FGF13: variants seen among roughly 807,000 people sequenced by gnomAD.
FGF13 encodes the protein fibroblast growth factor homologous factor 2.
A neutral mutation model predicts 19.5 loss-of-function variants in FGF13; 2 were observed. That is an observed-to-expected ratio of 0.10 (90% CI 0.04 to 0.32). The LOEUF (loss-of-function observed/expected upper bound fraction) is 0.32, where lower values mean the gene tolerates loss of function less well. Ranked by LOEUF, FGF13 falls within the 10% of genes least tolerant of loss-of-function variation. The pLI, the probability that FGF13 is intolerant of heterozygous loss-of-function variation, is 1.00. For synonymous variants in FGF13, 72 were observed against 76.9 expected (o/e 0.94, Z 0.33); for missense variants, 113 against 192.7 (o/e 0.59, Z 2.45).
At chrX:138,828,491 A>G in intron 3 of FGF13, among the ~76,000 whole-genome samples, 1 of 106,281 alleles carries the variant, frequency 9.4e-6, no homozygotes, top group South Asian at 4.3e-4. Flanking sequence ...AATGGCGTGA[A>G]CCCGGGAGGC....
chrX:138,853,265 CAAT>C (rs1253997222), downstream of FGF13, among the ~76,000 whole-genome samples: 1 of 111,806 alleles, frequency 8.9e-6, no homozygotes, highest in African/African-American at 3.2e-5. Flanking sequence ...AGGAAAACAA[CAAT>C]GTTGAAAAAA....
At chrX:138,750,106 C>T (rs746728632) in intron 3 of FGF13, among the ~76,000 whole-genome samples, 9 of 111,517 alleles carry the variant, frequency 8.1e-5, no homozygotes, top group Non-Finnish European at 1.3e-4. Context: ...AATCTACAGA[C>T]GTTGGTTATG....
downstream of FGF13, among the ~76,000 whole-genome samples, chrX:138,853,614 C>T (rs866173959): frequency 1.9e-4 from 15 of 79,649 alleles, no homozygotes; most frequent in East Asian, 4.1e-4. Context: ...TGTGTGTGTG[C>T]GTGTGCGTGT....
chrX:138,762,600 C>G (rs1317379094), intron 3 of FGF13, among the ~76,000 whole-genome samples: 1 of 111,480 alleles, frequency 9.0e-6, no homozygotes, highest in Non-Finnish European at 1.9e-5. Flanking sequence ...GAGTTAAGAT[C>G]TTGGTATTGA....
Position 138,749,239 on chromosome X carries a change from G to C in FGF13, c.218-40311C>G, listed in dbSNP as rs771624444. 2.8e-5 allele frequency among the ~76,000 whole-genome samples: 3 copies of C among 108,852 alleles called. No homozygotes were observed. In the Admixed American group the frequency reaches 3.0e-4, roughly 11 times the overall value. 94.5% of individuals were successfully genotyped at this position (108,852 alleles called of 115,157 possible). A position where few individuals can be genotyped will look rare whatever the true frequency, so the allele number is the denominator to read the frequency against. ...CGAAGGAAGAGCAGGAGGCAACTAG[G>C]TGAAGAGAGTAGCTGCTCTAGAGAA... is the stretch of plus-strand genomic sequence containing the variant. On this transcript the variant is annotated intron_variant, in intron 3 of 6. Coordinates refer to the FGF13 transcript ENST00000436198.
upstream of FGF13, chrX:139,204,273 T>C: frequency 2.2e-6 from 1 of 464,802 alleles, no homozygotes; most frequent in Admixed American, 3.3e-5. Flanking sequence ...CGCCGCTGCC[T>C]ACGAGAGAGT....
chrX:138,982,851 C>A (rs1233550987), intron 1 of FGF13, among the ~76,000 whole-genome samples: 2 of 112,082 alleles, frequency 1.8e-5, no homozygotes, highest in African/African-American at 3.2e-5. Flanking sequence ...ATTTGCCTTT[C>A]CCTGTTGATT....
At position 138,952,349 on chromosome X, in the gene FGF13, T is replaced by C. The variant is rs1485058170; in HGVS notation, c.-112-87699A>G. ...GGGAAATGATTCCCTATTTAATAAA[T>C]GGTGCTGGGAAAACTGGCTAGCATA... is the stretch of plus-strand genomic sequence containing the variant. On this transcript the variant is annotated intron_variant, in intron 1 of 2. Coordinates refer to the FGF13 transcript ENST00000421460. 2.7e-5 allele frequency among the ~76,000 whole-genome samples: 3 copies of C among 112,080 alleles called. No individual in the cohort carries two copies. The East Asian group carries it at 8.5e-4, about 32-fold the overall frequency.
intron 1 of FGF13, among the ~76,000 whole-genome samples, chrX:138,967,572 C>A (rs2091900071): frequency 9.1e-6 from 1 of 109,681 alleles, no homozygotes; most frequent in Non-Finnish European, 1.9e-5. Context: ...GGGAAAGAGG[C>A]CTAAAGAAGA....
At chrX:138,993,826 A>G (rs2206134) in intron 1 of FGF13, among the ~76,000 whole-genome samples, 1 of 110,202 alleles carries the variant, frequency 9.1e-6, no homozygotes, top group African/African-American at 3.3e-5. Flanking sequence ...CTGTGTTGTC[A>G]TAAAGATTAA....
rs942617536 is a variant in FGF13 at position 138,809,676 on chromosome X, T to C, written c.217+47836A>G. Among the ~76,000 whole-genome samples, 194 of 111,911 alleles carry C rather than the reference T, an allele frequency of 1.7e-3. 2 individuals carry two copies. The highest frequency in any genetic ancestry group is 2.9e-3 in the Non-Finnish European group (154 of 53,205). ...AAATTGTCCCCGTTTGCAGATGACA[T>C]GATTGTGTATTTAGAAAACCCCATC... On this transcript the variant is annotated intron_variant, in intron 3 of 6. Transcript: ENST00000436198.
chrX:138,647,732 T>C (rs1227539518), intron 3 of FGF13, among the ~76,000 whole-genome samples: 1 of 112,120 alleles, frequency 8.9e-6, no homozygotes, highest in African/African-American at 3.3e-5. Context: ...CAAATATTTG[T>C]TACCTAAGTA....
chrX:139,133,843 A>T (rs1435342927), intron 1 of FGF13, among the ~76,000 whole-genome samples: 1 of 111,529 alleles, frequency 9.0e-6, no homozygotes, highest in African/African-American at 3.3e-5. Context: ...GAACAGTTCA[A>T]CTCTGAAATC....
At chrX:138,866,469 C>T (rs1288279860) in intron 1 of FGF13, among the ~76,000 whole-genome samples, 1 of 112,286 alleles carries the variant, frequency 8.9e-6, no homozygotes, top group African/African-American at 3.2e-5. Context: ...TTTCTCCTCT[C>T]TTAAGAAGAA....
chrX:139,193,189 CACT>C (rs751618574), intron 1 of FGF13, among the ~76,000 whole-genome samples: 1 of 110,298 alleles, frequency 9.1e-6, no homozygotes, highest in African/African-American at 3.3e-5. Flanking sequence ...ATATGAAAAT[CACT>C]ACTATTTCAG....
At chrX:138,640,761 T>C (rs966052920) in intron 3 of FGF13, among the ~76,000 whole-genome samples, 1 of 112,023 alleles carries the variant, frequency 8.9e-6, no homozygotes, top group Non-Finnish European at 1.9e-5. Context: ...TGCAAATAAG[T>C]AATTTGGCAA....
rs759583548 is a variant in FGF13 at position 138,989,238 on chromosome X, T to G, written c.-112-124588A>C. ...TACCCTCCCTAGAAGAAGAACTCCA[T>G]TTTGAAACTGATTTGGTATCCTGGG... On this transcript the variant is annotated intron_variant, in intron 1 of 2. Transcript: ENST00000421460. Among the ~76,000 whole-genome samples, 121 of 111,638 alleles carry G rather than the reference T, an allele frequency of 1.1e-3. 1 individual carries two copies. Among genetic ancestry groups the G allele is most frequent in the Non-Finnish European group, 1.1e-3 (56 of 53,146 alleles).
intron 3 of FGF13, among the ~76,000 whole-genome samples, chrX:138,789,412 C>T (rs1196726008): frequency 4.7e-5 from 5 of 106,506 alleles, no homozygotes; most frequent in African/African-American, 1.4e-4. Context: ...GATCTCCTGA[C>T]ATCATGATCT....
At position 138,623,636 on chromosome X, in the gene FGF13, G is replaced by T. The variant is rs999089880; in HGVS notation, c.*9214C>A. ...TACTAAAAATACAAAAATTAGCCAGGCATGGTGGTAGGCGCCTATAATCCC... is the reference window on the plus strand; with the variant it reads ...TACTAAAAATACAAAAATTAGCCAGTCATGGTGGTAGGCGCCTATAATCCC... On this transcript the variant is annotated 3_prime_UTR_variant, in exon 5 of 5. Coordinates refer to ENST00000315930, the MANE Select transcript of FGF13 (RefSeq NM_004114.5). 3.6e-5 allele frequency: 4 copies of T among 110,126 alleles called. No homozygotes were observed. The highest frequency in any genetic ancestry group is 1.3e-4 in the African/African-American group (4 of 30,165). The allele number at this position is 110,126 out of a possible 1,213,427, so 9.1% of individuals were successfully genotyped here. A position where few individuals can be genotyped will look rare whatever the true frequency, so the allele number is the denominator to read the frequency against.
Sources: allele counts gnomAD v4.1 joint callset (sites outside exome capture counted in the v4.1 genomes callset), GRCh38; gene constraint gnomAD v4.1.1; transcripts MANE v1.5; gene names NCBI Gene and HGNC (gene_info 2026-07-23, HGNC 2026-07-21).